Variants in EHMT1 observed in about 807,000 individuals in gnomAD.
EHMT1 encodes histone-lysine N-methyltransferase EHMT1.
Under a neutral mutation model 147.2 loss-of-function variants are expected in EHMT1, and 15 were observed. That is an observed-to-expected ratio of 0.10 (90% CI 0.07 to 0.16). The LOEUF (loss-of-function observed/expected upper bound fraction) is 0.16, where lower values mean the gene tolerates loss of function less well. Among genes scored for constraint, EHMT1 ranks in the 10% least tolerant of loss-of-function variants. EHMT1 has a pLI of 1.00. For synonymous variants in EHMT1, 795 were observed against 709.6 expected (o/e 1.12, Z -1.91); for missense variants, 1,587 against 1,772.4 (o/e 0.90, Z 1.88).
chr9:137,660,077 C>T (rs115337451), intron 1 of EHMT1, among the ~76,000 whole-genome samples: 2,363 of 151,878 alleles, frequency 0.016, 47 homozygotes, highest in African/African-American at 0.042. Flanking sequence ...TGGCTCACAC[C>T]TGTAGTCCCA....
chr9:137,798,789 G>T, intron 16 of EHMT1, 24 bp from the exon 17 acceptor site: 3 of 1,599,094 alleles, frequency 1.9e-6, no homozygotes, highest in Non-Finnish European at 2.6e-6. Flanking sequence ...TGGATTCTTT[G>T]ACTAAGTGGC....
intron 1 of EHMT1, among the ~76,000 whole-genome samples, chr9:137,679,208 C>T (rs1431273248): frequency 6.6e-6 from 1 of 152,196 alleles, no homozygotes; most frequent in Non-Finnish European, 1.5e-5. Flanking sequence ...CTCGGCCTCC[C>T]AGAGTGCTGG....
rs537001261 is a variant in EHMT1, at chr9:137,721,931, T to C, written c.642+4749T>C. Among the ~76,000 whole-genome samples, 225 of 152,280 alleles carry C rather than the reference T, an allele frequency of 1.5e-3. 2 individuals are homozygous for C. Among genetic ancestry groups the C allele is most frequent in the Non-Finnish European group, 7.4e-4 (50 of 68,010 alleles). ...TTTCTCCTGTGGATTGTGCTGTTGGTGTTGTGTGTGATAACTCTTCACCTA... is the reference window on the plus strand; with the variant it reads ...TTTCTCCTGTGGATTGTGCTGTTGGCGTTGTGTGTGATAACTCTTCACCTA... On this transcript the variant is annotated intron_variant, in intron 3 of 26. Coordinates refer to ENST00000460843, the MANE Select transcript of EHMT1 (RefSeq NM_024757.5).
chr9:137,642,820 T>C (rs1844590289), intron 1 of EHMT1, among the ~76,000 whole-genome samples: 1 of 152,202 alleles, frequency 6.6e-6, no homozygotes, highest in African/African-American at 2.4e-5. Flanking sequence ...ATTTATACTG[T>C]CTTATGTAGC....
At position 137,834,422 on chromosome 9, in the gene EHMT1, C is replaced by T; in HGVS notation, c.3614C>T (p.Pro1205Leu). ...CGGTTCATCAACCACCACTGCGAGC[C>T]CAACCTGGTGCCCGTGCGCGTGTTC... Reference protein sequence around the residue: ...VSRFINHHCEPNLVPVRVFMA... With the variant: ...VSRFINHHCELNLVPVRVFMA... Residue 1205 changes from proline (P) to leucine (L), a missense_variant, in exon 26 of 27, where the codon CCC (proline) becomes CTC (leucine). By Grantham distance (98) the Pro-to-Leu change is moderately conservative. Around this residue, in one of 7 missense-constraint regions of EHMT1, gnomAD observed 141 missense variants for 150.8 expected, o/e 0.94. Transcript: ENST00000460843. 6.2e-7 allele frequency: 1 copy of T among 1,613,346 alleles called. No individual in the cohort carries two copies. Among genetic ancestry groups the T allele is most frequent in the African/African-American group, 1.3e-5 (1 of 75,056 alleles).
chr9:137,669,896 G>A (rs1940350049), intron 1 of EHMT1, among the ~76,000 whole-genome samples: 1 of 151,998 alleles, frequency 6.6e-6, no homozygotes, highest in South Asian at 2.1e-4. Context: ...TGTCGCCCAG[G>A]GTGGAGTGCA....
chr9:137,752,118 G>A (rs1182258430), intron 6 of EHMT1, among the ~76,000 whole-genome samples: 7 of 152,218 alleles, frequency 4.6e-5, no homozygotes, highest in African/African-American at 1.7e-4. Flanking sequence ...AGCTCAGAGT[G>A]TGTCTCTGGC....
chr9:137,807,997 G>T, intron 18 of EHMT1, among the ~76,000 whole-genome samples: 1 of 152,162 alleles, frequency 6.6e-6, no homozygotes, highest in East Asian at 1.9e-4. Flanking sequence ...ACTCTTCTTC[G>T]TGTGAATGTT....
At chr9:137,634,440 A>G (rs1843835086) in intron 1 of EHMT1, among the ~76,000 whole-genome samples, 1 of 152,184 alleles carries the variant, frequency 6.6e-6, no homozygotes, top group Non-Finnish European at 1.5e-5. Flanking sequence ...TTTGAAAATC[A>G]GTTGAACATA....
At chr9:137,735,321 T>G (rs1275759301) in intron 4 of EHMT1, among the ~76,000 whole-genome samples, 1 of 152,230 alleles carries the variant, frequency 6.6e-6, no homozygotes, top group Non-Finnish European at 1.5e-5. Context: ...TGGCATAAAT[T>G]TAAATTAGAA....
chr9:137,834,151 G>A, intron 25 of EHMT1, 198 bp from the exon 26 acceptor site: 1 of 687,408 alleles, frequency 1.5e-6, no homozygotes, highest in East Asian at 2.7e-5. Flanking sequence ...GCAGGGTGCG[G>A]GGTGGGTGGC....
At chr9:137,780,376 T>G (rs62589683) in intron 14 of EHMT1, among the ~76,000 whole-genome samples, 7,930 of 81,804 alleles carry the variant, frequency 0.097, 1,072 homozygotes, top group Admixed American at 0.18. Flanking sequence ...CGCTGAGACG[T>G]GTGATGACGC....
At chr9:137,831,404 C>G (rs1381088451) in intron 25 of EHMT1, among the ~76,000 whole-genome samples, 3 of 152,180 alleles carry the variant, frequency 2.0e-5, no homozygotes, top group African/African-American at 7.2e-5. Context: ...TTGGGGCATT[C>G]AGGTTGATTT....
intron 1 of EHMT1, among the ~76,000 whole-genome samples, chr9:137,702,310 C>T (rs1198685902): frequency 6.6e-6 from 1 of 152,216 alleles, no homozygotes; most frequent in Non-Finnish European, 1.5e-5. Context: ...AGGTAAGTCC[C>T]TTCTGCCTAT....
intron 3 of EHMT1, among the ~76,000 whole-genome samples, chr9:137,725,647 G>C (rs1946549113): frequency 6.6e-6 from 1 of 152,174 alleles, no homozygotes; most frequent in Non-Finnish European, 1.5e-5. Context: ...GTGTCTGGCA[G>C]TTTAGTGTGG....
At chr9:137,743,288 A>G in intron 4 of EHMT1, 83 bp from the exon 5 acceptor site, 3 of 1,507,278 alleles carry the variant, frequency 2.0e-6, no homozygotes, top group Non-Finnish European at 2.6e-6. Flanking sequence ...AAGTTTTGTA[A>G]ACTGTCTCTT....
At chr9:137,697,941 G>A (rs1462317217) in intron 1 of EHMT1, among the ~76,000 whole-genome samples, 1 of 151,424 alleles carries the variant, frequency 6.6e-6, no homozygotes, top group African/African-American at 2.5e-5. Context: ...TGAGGGCAGC[G>A]TGTGAGGGCG....
Position 137,732,334 on chromosome 9 carries a change from C to T in EHMT1, c.823+3805C>T, listed in dbSNP as rs1947182180. On this transcript the variant is annotated intron_variant, in intron 4 of 26. Coordinates refer to ENST00000460843, the MANE Select transcript of EHMT1 (RefSeq NM_024757.5). This position sits in a 1 kb window ranked among gnomAD's most constrained non-coding sequence, Gnocchi z 4.6. Reference sequence around the variant, plus strand: ...AACCGGCCAGGAACATGTTACAGCCCTTTTTGCACCCGCTGTTGCGTGGGT... The same window carrying T: ...AACCGGCCAGGAACATGTTACAGCCTTTTTTGCACCCGCTGTTGCGTGGGT... Among the ~76,000 whole-genome samples, 3 of 152,222 alleles carry T rather than the reference C, an allele frequency of 2.0e-5. No homozygotes were observed. Among genetic ancestry groups the T allele is most frequent in the Non-Finnish European group, 1.5e-5 (1 of 68,040 alleles).
intron 18 of EHMT1, among the ~76,000 whole-genome samples, chr9:137,811,079 C>T (rs1276817585): frequency 1.3e-5 from 2 of 152,000 alleles, no homozygotes; most frequent in African/African-American, 4.8e-5. Flanking sequence ...TGACTATACC[C>T]CTGCTTGGAA....
Sources: gnomAD v4.1 joint callset for allele counts (sites outside exome capture counted in the v4.1 genomes callset) on GRCh38, gnomAD v4.1.1 for gene constraint, gnomAD v4.1.1 regional missense constraint, Gnocchi (gnomAD v3.1) non-coding constraint, MANE v1.5 for transcripts, NCBI Gene and HGNC (gene_info 2026-07-23, HGNC 2026-07-21) for gene names.